ARPP21: variants seen among roughly 807,000 people sequenced by gnomAD.
ARPP21 encodes cAMP regulated phosphoprotein 21, also known as cAMP-regulated phosphoprotein 21.
ARPP21 carries 69 observed loss-of-function variants against 113.2 expected under a neutral mutation model. The ratio of observed to expected loss-of-function variants is 0.61; its 90% CI spans 0.50 to 0.74. The LOEUF is 0.74. ARPP21 is among the 30% of genes least tolerant of loss of function. ARPP21 has a pLI of 0.00. For synonymous variants in ARPP21, 368 were observed against 375.5 expected (o/e 0.98, Z 0.23); for missense variants, 1,070 against 1,037.4 (o/e 1.03, Z -0.43).
chr3:35,695,460 T>C (rs934838963), intron 9 of ARPP21, among the ~76,000 whole-genome samples: 1 of 151,476 alleles, frequency 6.6e-6, no homozygotes, highest in Non-Finnish European at 1.5e-5. Context: ...ATAGTTATAG[T>C]GGGGGAATAA....
chr3:35,642,018 T>C (rs1698252803), intron 1 of ARPP21: 1 of 152,204 alleles, frequency 6.6e-6, no homozygotes, highest in Non-Finnish European at 1.5e-5. Context: ...AAAGTGCCTA[T>C]TAAACAGAGT....
intron 19 of ARPP21, among the ~76,000 whole-genome samples, chr3:35,778,576 T>G (rs530570006): frequency 6.6e-6 from 1 of 152,292 alleles, no homozygotes; most frequent in African/African-American, 2.4e-5. Context: ...TATGCTCTGG[T>G]GTCTTCCTCA....
Position 35,721,812 on chromosome 3 carries a change from T to A in ARPP21, c.1203T>A (p.Ser401Arg). The change falls in exon 14 of 21, where the codon AGT becomes AGA. Residue 401 changes from serine (S) to arginine (R), a missense_variant. Coordinates refer to ENST00000684406, the MANE Select transcript of ARPP21 (RefSeq NM_001385562.1). ...TRGDSTSSTR[S>R]TGKLSKAGSE... Reference sequence around the variant, plus strand: ...GTGACAGCACTTCCAGTACTAGGAGTACCGGGAAGCTGTCCAAAGCAGGTA... The same window carrying A: ...GTGACAGCACTTCCAGTACTAGGAGAACCGGGAAGCTGTCCAAAGCAGGTA... 6.2e-7 allele frequency: 1 copy of A among 1,609,728 alleles called. No individual in the cohort carries two copies. Among genetic ancestry groups the A allele is most frequent in the Non-Finnish European group, 8.5e-7 (1 of 1,177,678 alleles).
chr3:35,791,265 G>T (rs1179247245), intron 19 of ARPP21, among the ~76,000 whole-genome samples: 1 of 151,980 alleles, frequency 6.6e-6, no homozygotes, highest in African/African-American at 2.4e-5. Context: ...TTTAACTTTT[G>T]GTTTCAATTT....
chr3:35,768,967 C>G (rs994986285), intron 19 of ARPP21, among the ~76,000 whole-genome samples: 1 of 152,062 alleles, frequency 6.6e-6, no homozygotes, highest in Admixed American at 6.6e-5. Flanking sequence ...GAGTGTCAAC[C>G]TATGTTAAGC....
chr3:35,673,287 A>G (rs556176870), intron 1 of ARPP21, among the ~76,000 whole-genome samples: 1 of 152,130 alleles, frequency 6.6e-6, no homozygotes, highest in Admixed American at 6.6e-5. Flanking sequence ...TCCTGTGACC[A>G]TAGCTTCTGT....
chr3:35,641,745 A>T (rs1363241249), intron 1 of ARPP21: 1 of 152,152 alleles, frequency 6.6e-6, no homozygotes, highest in Non-Finnish European at 1.5e-5. Context: ...TTGTTATAAC[A>T]TTCTGCTTTT....
chr3:35,742,362 C>T (rs2094721373), intron 18 of ARPP21, among the ~76,000 whole-genome samples: 1 of 152,138 alleles, frequency 6.6e-6, no homozygotes, highest in African/African-American at 2.4e-5. Context: ...CCAAAGTTTG[C>T]CAGAGCATAG....
intron 19 of ARPP21, among the ~76,000 whole-genome samples, chr3:35,749,661 TAGAG>T (rs2095328806): frequency 6.6e-6 from 1 of 152,092 alleles, no homozygotes; most frequent in South Asian, 2.1e-4. Flanking sequence ...CATTTGACCC[TAGAG>T]ATTTTCAGAA....
In ARPP21 at chr3:35,681,599, T is replaced by A. The variant is rs897561527; in HGVS notation, c.-38-115T>A. 4.6e-5 allele frequency: 28 copies of A among 609,178 alleles called. No individual in the cohort carries two copies. The African/African-American group carries it at 4.6e-4, about 10-fold the overall frequency. 37.7% of individuals were successfully genotyped at this position (609,178 alleles called of 1,614,324 possible). On this transcript the variant is annotated intron_variant, in intron 2 of 20. Coordinates refer to ENST00000684406, the MANE Select transcript of ARPP21 (RefSeq NM_001385562.1). ...CATCTTGTTTTTTCCCCCTTTTGTA[T>A]AAAATTCTCAAAATTGCTCATTTGG...
intron 19 of ARPP21, among the ~76,000 whole-genome samples, chr3:35,765,865 C>T (rs920577646): frequency 6.6e-6 from 1 of 152,078 alleles, no homozygotes; most frequent in Non-Finnish European, 1.5e-5. Context: ...AACAAAGTAA[C>T]TACTTTGTGG....
At chr3:35,729,942 C>T (rs1351539271) in intron 15 of ARPP21, among the ~76,000 whole-genome samples, 1 of 152,134 alleles carries the variant, frequency 6.6e-6, no homozygotes, top group Admixed American at 6.5e-5. Context: ...TTTTTGCATC[C>T]AAGGATCTTT....
At chr3:35,748,067 G>GAAGAAAGAAAGAAAGAAAGAAAGA (rs71622571) in intron 19 of ARPP21, among the ~76,000 whole-genome samples, 16 of 86,954 alleles carry the variant, frequency 1.8e-4, no homozygotes, top group East Asian at 1.3e-3. Context: ...AAGAAGGAAG[G>GAAGAAAGAAAGAAAGAAAGAAAGA]AAGAAAGAAA....
intron 19 of ARPP21, among the ~76,000 whole-genome samples, chr3:35,773,689 T>G (rs1449801421): frequency 6.6e-6 from 1 of 152,160 alleles, no homozygotes; most frequent in Non-Finnish European, 1.5e-5. Flanking sequence ...ACTAAGGAGT[T>G]ATAGTTCATG....
intron 6 of ARPP21, among the ~76,000 whole-genome samples, chr3:35,688,955 T>C (rs1241443344): frequency 2.6e-5 from 4 of 151,264 alleles, no homozygotes; most frequent in Non-Finnish European, 4.4e-5. Flanking sequence ...GAGCTCTCTC[T>C]GTAGGTGGGA....
chr3:35,777,387 A>G (rs1183049347), intron 19 of ARPP21, among the ~76,000 whole-genome samples: 1 of 152,206 alleles, frequency 6.6e-6, no homozygotes, highest in African/African-American at 2.4e-5. Flanking sequence ...GCTCAGAGAT[A>G]TCAGGCAACT....
intron 15 of ARPP21, among the ~76,000 whole-genome samples, chr3:35,735,208 C>T (rs1040617264): frequency 6.6e-6 from 1 of 152,168 alleles, no homozygotes; most frequent in African/African-American, 2.4e-5. Context: ...CAACCTCTCT[C>T]CTGGGATCCA....
chr3:35,778,255 C>T (rs2096431618), intron 19 of ARPP21, among the ~76,000 whole-genome samples: 1 of 152,108 alleles, frequency 6.6e-6, no homozygotes, highest in Non-Finnish European at 1.5e-5. Context: ...TCTGTGTTTC[C>T]TCCCAACACA....
At chr3:35,746,192 AGTGATGAATGTACCTAGTATTT>A in intron 19 of ARPP21, among the ~76,000 whole-genome samples, 1 of 152,334 alleles carries the variant, frequency 6.6e-6, no homozygotes, top group Non-Finnish European at 1.5e-5. Context: ...TTTCCACCAC[AGTGATGAATGTACCTAGTATTT>A]GGGAAAGCAG....
Sources: gnomAD v4.1 joint callset for allele counts (sites outside exome capture counted in the v4.1 genomes callset) on GRCh38, gnomAD v4.1.1 for gene constraint, MANE v1.5 for transcripts, NCBI Gene and HGNC (gene_info 2026-07-23, HGNC 2026-07-21) for gene names.